Variants in FAR1 observed in about 807,000 individuals in gnomAD.
The protein encoded by FAR1 is fatty acyl-CoA reductase 1, also known as male sterility domain-containing protein 2.
FAR1 carries 22 observed loss-of-function variants against 61.1 expected under a neutral mutation model. That is an observed-to-expected ratio of 0.36 (90% CI 0.26 to 0.51). The LOEUF (loss-of-function observed/expected upper bound fraction) is 0.51, where lower values mean the gene tolerates loss of function less well. Ranked by LOEUF, FAR1 falls within the 20% of genes least tolerant of loss-of-function variation. The pLI, the probability that FAR1 is intolerant of heterozygous loss-of-function variation, is 0.95. For synonymous variants in FAR1, 206 were observed against 209.7 expected (o/e 0.98, Z 0.15); for missense variants, 359 against 626.9 (o/e 0.57, Z 4.56).
chr11:13,700,970 G>T (rs1848364961), intron 3 of FAR1, among the ~76,000 whole-genome samples: 1 of 151,996 alleles, frequency 6.6e-6, no homozygotes, highest in Non-Finnish European at 1.5e-5. Flanking sequence ...GGCAAGGTAT[G>T]TTGGACATAA....
chr11:13,687,335 AT>A (rs1263884054), intron 1 of FAR1, among the ~76,000 whole-genome samples: 8 of 152,364 alleles, frequency 5.3e-5, no homozygotes, highest in African/African-American at 1.9e-4. Flanking sequence ...GTGAAAATAA[AT>A]GTAAATTACC....
chr11:13,690,608 C>T (rs1462951022), intron 1 of FAR1, among the ~76,000 whole-genome samples: 2 of 152,164 alleles, frequency 1.3e-5, no homozygotes, highest in African/African-American at 4.8e-5. Context: ...GCACCATTCT[C>T]TTCTTGTCCC....
At chr11:13,708,563 G>A (rs1212840822) in intron 4 of FAR1, among the ~76,000 whole-genome samples, 1 of 151,760 alleles carries the variant, frequency 6.6e-6, no homozygotes, top group Non-Finnish European at 1.5e-5. Context: ...TGTTAATGAA[G>A]TCAATGTGTA....
At position 13,708,035 on chromosome 11, in the gene FAR1, C is replaced by T. The variant is rs1162432962; in HGVS notation, c.501C>T (p.Val167=). ...ATCGCAAGCATATTGATGAAGTAGT[C>T]TATCCACCACCTGTGGATCCCAAGA... ...YCNRKHIDEV[V]YPPPVDPKKL... is the part of the protein sequence containing the mutation. Residue 167 remains valine, a synonymous_variant, in exon 4 of 12, where the codon GTC becomes GTT. Coordinates refer to ENST00000354817, the MANE Select transcript of FAR1 (RefSeq NM_032228.6). The T allele has an allele frequency of 5.0e-6, 8 of 1,608,074 alleles. No homozygotes were observed. In the East Asian group the frequency reaches 1.6e-4, roughly 32 times the overall value.
At chr11:13,722,552 C>A (rs1848622111) in intron 10 of FAR1, among the ~76,000 whole-genome samples, 1 of 151,900 alleles carries the variant, frequency 6.6e-6, no homozygotes, top group Non-Finnish European at 1.5e-5. Context: ...TGGCTCACTG[C>A]AACCTCTGCC....
chr11:13,675,954 C>G (rs1407334369), intron 1 of FAR1, among the ~76,000 whole-genome samples: 1 of 152,164 alleles, frequency 6.6e-6, no homozygotes, highest in African/African-American at 2.4e-5. Flanking sequence ...TGTCAAAGGT[C>G]ATGAACTTCT....
At chr11:13,697,354 CGGG>C (rs1229814403) in intron 2 of FAR1, among the ~76,000 whole-genome samples, 1 of 151,694 alleles carries the variant, frequency 6.6e-6, no homozygotes, top group Non-Finnish European at 1.5e-5. Flanking sequence ...CCCAGCTACT[CGGG>C]AGGCTGAGGT....
At chr11:13,675,292 G>C (rs544989148) in intron 1 of FAR1, among the ~76,000 whole-genome samples, 1 of 152,202 alleles carries the variant, frequency 6.6e-6, no homozygotes, top group Non-Finnish European at 1.5e-5. Context: ...TGCCAAAATT[G>C]GTGGTAGAGA....
chr11:13,695,212 T>C (rs1000177495), intron 2 of FAR1, among the ~76,000 whole-genome samples: 4 of 152,164 alleles, frequency 2.6e-5, no homozygotes, highest in Non-Finnish European at 4.4e-5. Flanking sequence ...ATTTAAAGTA[T>C]GTTTTTAGAA....
chr11:13,731,045 A>G lies in FAR1; in HGVS notation c.*2271A>G, dbSNP rs1399269312. On this transcript the variant is annotated 3_prime_UTR_variant, in exon 12 of 12. Transcript: ENST00000354817. Reference sequence around the variant, plus strand: ...ATTTCCTACACAAACTTCTTATTTAACAGGATAGCCTACTAAATTAAATGT... The same window carrying G: ...ATTTCCTACACAAACTTCTTATTTAGCAGGATAGCCTACTAAATTAAATGT... 2 of 152,156 alleles carry G rather than the reference A, an allele frequency of 1.3e-5. No individual in the cohort carries two copies. Among genetic ancestry groups the G allele is most frequent in the Non-Finnish European group, 2.9e-5 (2 of 67,994 alleles). The allele number at this position is 152,156 out of a possible 1,614,324, so 9.4% of individuals were successfully genotyped here. A position where few individuals can be genotyped will look rare whatever the true frequency, so the allele number is the denominator to read the frequency against.
At chr11:13,707,091 G>A (rs908934340) in intron 3 of FAR1, among the ~76,000 whole-genome samples, 1 of 152,062 alleles carries the variant, frequency 6.6e-6, no homozygotes, top group African/African-American at 2.4e-5. Flanking sequence ...TATTTTAGTA[G>A]CTATATTCTT....
At chr11:13,709,255 A>C (rs1848472780) in intron 4 of FAR1, among the ~76,000 whole-genome samples, 1 of 152,188 alleles carries the variant, frequency 6.6e-6, no homozygotes, top group African/African-American at 2.4e-5. Flanking sequence ...TAGATTGTAA[A>C]AAAAATGAGA....
chr11:13,668,983 G>C (rs555103124), intron 1 of FAR1, among the ~76,000 whole-genome samples, 177 bp downstream of exon 1: 3 of 151,240 alleles, frequency 2.0e-5, no homozygotes, highest in Admixed American at 2.0e-4. Context: ...GCCTCACCCC[G>C]GGTGGTCTCT....
intron 1 of FAR1, among the ~76,000 whole-genome samples, chr11:13,670,353 A>G (rs1847984622): frequency 6.6e-6 from 1 of 152,078 alleles, no homozygotes; most frequent in South Asian, 2.1e-4. Flanking sequence ...CAGTGACGCG[A>G]TCTTGGCTCG....
At chr11:13,720,283 CTGTGTGTG>C (rs376918386) in intron 9 of FAR1, 7 of 151,508 alleles carry the variant, frequency 4.6e-5, no homozygotes, top group African/African-American at 1.7e-4. Flanking sequence ...ACCGTGTTAG[CTGTGTGTG>C]TGTGTGAGAT....
chr11:13,717,177 G>A (rs964372795), intron 9 of FAR1, among the ~76,000 whole-genome samples: 2 of 147,406 alleles, frequency 1.4e-5, no homozygotes, highest in Non-Finnish European at 3.0e-5. Flanking sequence ...CCCCACCACC[G>A]CCCCAGATCC....
At position 13,721,998 on chromosome 11, in the gene FAR1, CAT is replaced by C. The variant is rs2134199546; in HGVS notation, c.1257+141_1257+142del. ...TTATAGTCTCTCATAAAGCTTTAGTCATAATTGTTAGTGGTGAAATAAAATTG... is the reference window on the plus strand; with the variant it reads ...TTATAGTCTCTCATAAAGCTTTAGTCAATTGTTAGTGGTGAAATAAAATTG... On this transcript the variant is annotated intron_variant, in intron 10 of 11. Coordinates refer to ENST00000354817, the MANE Select transcript of FAR1 (RefSeq NM_032228.6). The surrounding 1 kb of genome is among the most constrained non-coding windows in gnomAD (Gnocchi z 4.2). The C allele has an allele frequency of 1.5e-6, 1 of 655,944 alleles. No homozygotes were observed. Among genetic ancestry groups the C allele is most frequent in the African/African-American group, 1.9e-5 (1 of 53,006 alleles). The allele number at this position is 655,944 out of a possible 1,614,324, so 40.6% of individuals were successfully genotyped here. A position where few individuals can be genotyped will look rare whatever the true frequency, so the allele number is the denominator to read the frequency against.
At chr11:13,672,883 T>G (rs1848025511) in intron 1 of FAR1, among the ~76,000 whole-genome samples, 1 of 152,222 alleles carries the variant, frequency 6.6e-6, no homozygotes, top group South Asian at 2.1e-4. Context: ...ATACATGAAT[T>G]TAAGGTTTAA....
At position 13,730,724 on chromosome 11, in the gene FAR1, G is replaced by A. The variant is rs1445003651; in HGVS notation, c.*1950G>A. On this transcript the variant is annotated 3_prime_UTR_variant, in exon 12 of 12. Transcript: ENST00000354817. ...GGCAGGCCTATGAAGTGCATAGGGA[G>A]TGTATGTCTTCTGAATGGTTTTATT... is the stretch of plus-strand genomic sequence containing the variant. 1.3e-5 allele frequency: 2 copies of A among 152,132 alleles called. No homozygotes were observed. Among genetic ancestry groups the A allele is most frequent in the Non-Finnish European group, 2.9e-5 (2 of 67,988 alleles). 9.4% of individuals were successfully genotyped at this position (152,132 alleles called of 1,614,324 possible).
Sources: allele counts gnomAD v4.1 joint callset (sites outside exome capture counted in the v4.1 genomes callset), GRCh38; gene constraint gnomAD v4.1.1; non-coding constraint Gnocchi (gnomAD v3.1); transcripts MANE v1.5; gene names NCBI Gene and HGNC (gene_info 2026-07-23, HGNC 2026-07-21).